Variants in SLC17A5 observed in about 807,000 individuals in gnomAD.
SLC17A5 encodes solute carrier family 17 member 5.
In SLC17A5, 47 loss-of-function variants were observed where a neutral mutation model predicts 59.4. The ratio of observed to expected loss-of-function variants is 0.79; its 90% CI spans 0.63 to 1.01. The LOEUF is 1.01. Ranked by LOEUF, SLC17A5 falls within the 50% of genes least tolerant of loss-of-function variation. The pLI is 0.00. For missense variants in SLC17A5, 522 were observed against 595.5 expected, an observed-to-expected ratio of 0.88 and a Z score of 1.28; for synonymous variants, 202 against 210.7, an observed-to-expected ratio of 0.96 and a Z score of 0.36.
Position 73,645,442 on chromosome 6 carries a change from C to T in SLC17A5, c.95-839G>A, listed in dbSNP as rs1769491395. 5 of 984,996 alleles carry T rather than the reference C, an allele frequency of 5.1e-6. No individual in the cohort carries two copies. In the South Asian group the frequency reaches 1.4e-4, roughly 28 times the overall value. 61.0% of individuals were successfully genotyped at this position (984,996 alleles called of 1,614,324 possible). A position where few individuals can be genotyped will look rare whatever the true frequency, so the allele number is the denominator to read the frequency against. On this transcript the variant is annotated intron_variant, in intron 1 of 10. Transcript: ENST00000355773. ...TGACAGTTGCTCAGTAGTTATCAAG[C>T]GTAAAGGGCTCACAGTAAAAAGGGA...
chr6:73,594,961 C>G lies in SLC17A5; in HGVS notation c.*116G>C. 8.8e-7 allele frequency: 1 copy of G among 1,131,166 alleles called. No homozygotes were observed. The highest frequency in any genetic ancestry group is 1.5e-5 in the African/African-American group (1 of 64,722). The allele number at this position is 1,131,166 out of a possible 1,614,324, so 70.1% of individuals were successfully genotyped here. A position where few individuals can be genotyped will look rare whatever the true frequency, so the allele number is the denominator to read the frequency against. ...TTTCATGATTATAGGCCTTAAAAAT[C>G]TAATACAAGTACAATTAAAAAAAGA... On this transcript the variant is annotated 3_prime_UTR_variant, in exon 11 of 11. Transcript: ENST00000355773.
Position 73,641,880 on chromosome 6 carries a change from G to A in SLC17A5, c.336C>T (p.Leu112=), listed in dbSNP as rs1367019593. The part of the protein sequence containing the change: ...QWDAETQGWI[L]GSFFYGYIIT... ...TGATGTAGCCATAAAAAAAGGAACC[G>A]AGAATCCATCCTTGAGTTTCTGCAT... The change falls in exon 3 of 11, where the codon CTC becomes CTT. Residue 112 remains leucine, a synonymous_variant. Coordinates refer to ENST00000355773, the MANE Select transcript of SLC17A5 (RefSeq NM_012434.5). 7.4e-6 allele frequency: 12 copies of A among 1,614,016 alleles called. No individual in the cohort carries two copies. The highest frequency in any genetic ancestry group is 1.6e-4 in the Middle Eastern group (1 of 6,084).
chr6:73,646,750 G>T (rs1292478036), intron 1 of SLC17A5, among the ~76,000 whole-genome samples: 2 of 151,554 alleles, frequency 1.3e-5, no homozygotes, highest in Non-Finnish European at 2.9e-5. Context: ...ATAACTTTCT[G>T]TAACCTCGAA....
intron 8 of SLC17A5, among the ~76,000 whole-genome samples, chr6:73,611,499 C>T (rs1452597364): frequency 2.0e-5 from 3 of 151,854 alleles, no homozygotes; most frequent in Non-Finnish European, 4.4e-5. Flanking sequence ...AGGCCGTTCT[C>T]GAACTCCTGA....
chr6:73,650,133 G>A (rs1472223915), intron 1 of SLC17A5, among the ~76,000 whole-genome samples: 1 of 151,292 alleles, frequency 6.6e-6, no homozygotes, highest in African/African-American at 2.4e-5. Flanking sequence ...GGCTGACGCA[G>A]GAGGATCACT....
chr6:73,647,522 G>C (rs1479470790), intron 1 of SLC17A5, among the ~76,000 whole-genome samples: 1 of 152,142 alleles, frequency 6.6e-6, no homozygotes, highest in East Asian at 1.9e-4. Context: ...ACTGTAATTT[G>C]TAATGTTATT....
At chr6:73,640,174 G>A (rs1410922830) in intron 3 of SLC17A5, among the ~76,000 whole-genome samples, 1 of 152,208 alleles carries the variant, frequency 6.6e-6, no homozygotes, top group Non-Finnish European at 1.5e-5. Context: ...AATACATTCA[G>A]CAAGGAGATT....
At chr6:73,638,364 G>T in intron 4 of SLC17A5, 48 bp downstream of exon 4, 1 of 1,369,430 alleles carries the variant, frequency 7.3e-7, no homozygotes, top group Non-Finnish European at 1.0e-6. Flanking sequence ...CCCAAAGGTT[G>T]ATATATACAT....
intron 10 of SLC17A5, among the ~76,000 whole-genome samples, chr6:73,596,879 G>A (rs1461018604): frequency 3.9e-5 from 4 of 102,560 alleles, no homozygotes; most frequent in Admixed American, 3.6e-4. Context: ...AAACAAAACT[G>A]GTTGGGCGTG....
intron 7 of SLC17A5, among the ~76,000 whole-genome samples, chr6:73,619,685 C>T (rs1275652583): frequency 6.6e-6 from 1 of 151,998 alleles, no homozygotes; most frequent in Non-Finnish European, 1.5e-5. Flanking sequence ...AAAGAAGGTC[C>T]TATATTCACA....
chr6:73,596,275 G>A (rs1178718435), intron 10 of SLC17A5, among the ~76,000 whole-genome samples: 1 of 152,120 alleles, frequency 6.6e-6, no homozygotes, highest in African/African-American at 2.4e-5. Flanking sequence ...CAGGTGAAAG[G>A]TGTCAGGTGG....
chr6:73,624,729 C>G (rs1234404161), intron 6 of SLC17A5, among the ~76,000 whole-genome samples: 4 of 152,074 alleles, frequency 2.6e-5, no homozygotes, highest in Admixed American at 2.6e-4. Context: ...CAAAAATTAG[C>G]TGGATGTGGT....
intron 1 of SLC17A5, among the ~76,000 whole-genome samples, chr6:73,645,801 A>G (rs992991394): frequency 2.6e-5 from 4 of 151,600 alleles, no homozygotes; most frequent in East Asian, 1.9e-4. Flanking sequence ...AAAAAAAAAA[A>G]AAAAAAAAAA....
intron 2 of SLC17A5, 91 bp from the exon 3 acceptor site, chr6:73,642,015 G>A: frequency 8.7e-7 from 1 of 1,151,122 alleles, no homozygotes; most frequent in Non-Finnish European, 1.3e-6. Flanking sequence ...ATATAAATGA[G>A]ATTTTGAACC....
At position 73,600,362 on chromosome 6, in the gene SLC17A5, G is replaced by A. The variant is rs1303680695; in HGVS notation, c.1339C>T (p.Leu447=). The A allele has an allele frequency of 3.0e-5, 48 of 1,613,424 alleles. No homozygotes were observed. The highest frequency in any genetic ancestry group is 4.0e-5 in the Non-Finnish European group (47 of 1,179,488). Reference sequence around the variant, plus strand: ...AATTATCTACTTACATCAGGGGTCAGACTTTTAGCAATGACGGGCCCAACC... The same window carrying A: ...AATTATCTACTTACATCAGGGGTCAAACTTTTAGCAATGACGGGCCCAACC... ...GMVGPVIAKS[L]TPDNTVGEWQ... Residue 447 remains leucine (L), a synonymous_variant, in exon 10 of 11, where the codon CTG becomes TTG. Coordinates refer to ENST00000355773, the MANE Select transcript of SLC17A5 (RefSeq NM_012434.5).
In SLC17A5 at chr6:73,618,509, G is replaced by A. The variant is rs1254083110; in HGVS notation, c.979-3062C>T. The A allele has an allele frequency of 7.8e-6, 4 of 509,758 alleles. No homozygotes were observed. The East Asian group carries it at 1.8e-4, about 23-fold the overall frequency. 31.6% of individuals were successfully genotyped at this position (509,758 alleles called of 1,614,324 possible). On this transcript the variant is annotated intron_variant, in intron 7 of 10. Coordinates refer to ENST00000355773, the MANE Select transcript of SLC17A5 (RefSeq NM_012434.5). ...ACTCATGCACAAACAGTAGTTTTGTGTGTTGGGTGCTCTACTGTCCTCTGC... is the reference window on the plus strand; with the variant it reads ...ACTCATGCACAAACAGTAGTTTTGTATGTTGGGTGCTCTACTGTCCTCTGC...
intron 1 of SLC17A5, among the ~76,000 whole-genome samples, chr6:73,649,764 T>C (rs541137719): frequency 2.0e-4 from 31 of 151,508 alleles, no homozygotes; most frequent in South Asian, 1.3e-3. Flanking sequence ...GGTTTTTTTT[T>C]CTGGAAATTA....
Position 73,644,404 on chromosome 6 carries a change from T to C in SLC17A5, c.291+3A>G, listed in dbSNP as rs1249351411. On this transcript the variant is annotated splice_donor_region_variant and intron_variant, in intron 2 of 10. Transcript: ENST00000355773. Reference sequence around the variant, plus strand: ...AATTGTTTCCTTAAAAAATAGCACCTACCGTTTGATTATGATGAACTTTTA... The same window carrying C: ...AATTGTTTCCTTAAAAAATAGCACCCACCGTTTGATTATGATGAACTTTTA... 5 of 1,610,424 alleles carry C rather than the reference T, an allele frequency of 3.1e-6. No homozygotes were observed. The highest frequency in any genetic ancestry group is 3.4e-6 in the Non-Finnish European group (4 of 1,177,044).
At chr6:73,651,127 A>G (rs1769837737) in intron 1 of SLC17A5, among the ~76,000 whole-genome samples, 1 of 152,202 alleles carries the variant, frequency 6.6e-6, no homozygotes, top group South Asian at 2.1e-4. Flanking sequence ...TTTGGAAGGT[A>G]TGGACATTAT....
Sources: allele counts gnomAD v4.1 joint callset (sites outside exome capture counted in the v4.1 genomes callset), GRCh38; gene constraint gnomAD v4.1.1; transcripts MANE v1.5; gene names NCBI Gene and HGNC (gene_info 2026-07-23, HGNC 2026-07-21).